Variants in CCDC12 observed in about 807,000 individuals in gnomAD.
CCDC12 encodes coiled-coil domain containing 12.
In CCDC12, 28 loss-of-function variants were observed where a neutral mutation model predicts 25.7. That is an observed-to-expected ratio of 1.09 (90% CI 0.81 to 1.50). CCDC12 has a LOEUF of 1.50. Ranked by LOEUF, CCDC12 falls within the 40% of genes most tolerant of loss-of-function variation. The pLI, the probability that CCDC12 is intolerant of heterozygous loss-of-function variation, is 0.00. For synonymous variants in CCDC12, 75 were observed against 87.7 expected, an observed-to-expected ratio of 0.86 and a Z score of 0.81; for missense variants, 198 against 210.0, an observed-to-expected ratio of 0.94 and a Z score of 0.35.
At chr3:46,947,974 G>T (rs1358036964) in intron 1 of CCDC12, among the ~76,000 whole-genome samples, 1 of 152,228 alleles carries the variant, frequency 6.6e-6, no homozygotes, top group East Asian at 1.9e-4. Context: ...CTGAAGAACA[G>T]GGAGAATCAG....
rs1559546744 is a variant in CCDC12, at chr3:46,923,662, T to G, written c.251A>C (p.Glu84Ala). 6.4e-7 allele frequency: 1 copy of G among 1,560,898 alleles called. No homozygotes were observed. Among genetic ancestry groups the G allele is most frequent in the Non-Finnish European group, 8.7e-7 (1 of 1,153,386 alleles). Residue 84 changes from glutamate (E) to alanine (A), a missense_variant, in exon 4 of 7, where the codon GAG (glutamate) becomes GCG (alanine). Glu to Ala is a moderately radical substitution (Grantham distance 107). Coordinates refer to ENST00000683445, the MANE Select transcript of CCDC12 (RefSeq NM_001277074.2). ...VPQAKPVAVE[E>A]KVKEQLEAAK... is the part of the protein sequence containing the mutation. ...GGCCTCCAGCTGCTCCTTCACCTTCTCCTCCACTAGAGGGTGCAATTAAAC... is the reference window on the plus strand; with the variant it reads ...GGCCTCCAGCTGCTCCTTCACCTTCGCCTCCACTAGAGGGTGCAATTAAAC...
At chr3:46,967,149 T>C (rs532047647) in intron 1 of CCDC12, among the ~76,000 whole-genome samples, 5 of 152,284 alleles carry the variant, frequency 3.3e-5, no homozygotes, top group African/African-American at 1.2e-4. Flanking sequence ...TCTGGCTTAA[T>C]GTGGCCAAAG....
At chr3:46,958,162 T>G (rs1305764721) in intron 1 of CCDC12, among the ~76,000 whole-genome samples, 1 of 152,078 alleles carries the variant, frequency 6.6e-6, no homozygotes, top group African/African-American at 2.4e-5. Flanking sequence ...TTATTGGCGG[T>G]CTGAAGAAAC....
chr3:46,947,022 A>G (rs2033934381), intron 1 of CCDC12, among the ~76,000 whole-genome samples: 1 of 152,204 alleles, frequency 6.6e-6, no homozygotes, highest in Admixed American at 6.5e-5. Flanking sequence ...TTCCTGAAGA[A>G]GCTAGAGACT....
At chr3:46,933,139 T>C (rs1406459622) in intron 2 of CCDC12, among the ~76,000 whole-genome samples, 1 of 152,168 alleles carries the variant, frequency 6.6e-6, no homozygotes, top group Non-Finnish European at 1.5e-5. Flanking sequence ...GAAAAACTCC[T>C]GCAGCCTACC....
intron 1 of CCDC12, among the ~76,000 whole-genome samples, chr3:46,941,391 T>C (rs547451430): frequency 6.6e-6 from 1 of 151,980 alleles, no homozygotes; most frequent in South Asian, 2.1e-4. Flanking sequence ...CGAAACCCCA[T>C]CTCTACTAAA....
At chr3:46,936,043 G>A (rs1420801030) in intron 2 of CCDC12, among the ~76,000 whole-genome samples, 2 of 152,188 alleles carry the variant, frequency 1.3e-5, no homozygotes, top group African/African-American at 2.4e-5. Context: ...GCAGGCAGGC[G>A]AGTGGCTCTT....
chr3:46,972,197 G>A (rs568436850), intron 1 of CCDC12, among the ~76,000 whole-genome samples: 12 of 152,162 alleles, frequency 7.9e-5, no homozygotes, highest in Non-Finnish European at 1.3e-4. Flanking sequence ...CACCAGGTGC[G>A]GTGGTTCACA....
At chr3:46,927,327 T>G (rs1420020439) in intron 2 of CCDC12, among the ~76,000 whole-genome samples, 2 of 151,124 alleles carry the variant, frequency 1.3e-5, no homozygotes, top group Non-Finnish European at 2.9e-5. Context: ...CACAACAGGG[T>G]GGGGAGAAAT....
intron 1 of CCDC12, among the ~76,000 whole-genome samples, chr3:46,952,902 T>C (rs2034171928): frequency 6.6e-6 from 1 of 152,116 alleles, no homozygotes; most frequent in South Asian, 2.1e-4. Flanking sequence ...AGGACGCAAA[T>C]GGCAGGGCAG....
At position 46,958,554 on chromosome 3, in the gene CCDC12, A is replaced by C. The variant is rs1325779485; in HGVS notation, c.97-17489T>G. On this transcript the variant is annotated intron_variant, in intron 1 of 6. Transcript: ENST00000683445. ...CTGCATCTCGTTATTGGGCCAAGGG[A>C]ATAAGCAGCCCGACCCTCGGTTTGG... Among the ~76,000 whole-genome samples the C allele has an allele frequency of 2.0e-5, 3 of 152,272 alleles. No homozygotes were observed. In the East Asian group the frequency reaches 5.8e-4, roughly 29 times the overall value.
chr3:46,945,663 G>C (rs754829662), intron 1 of CCDC12, among the ~76,000 whole-genome samples: 9 of 152,184 alleles, frequency 5.9e-5, no homozygotes, highest in Non-Finnish European at 1.0e-4. Context: ...TTGGCCTGAA[G>C]TTTTATTTGG....
intron 2 of CCDC12, among the ~76,000 whole-genome samples, chr3:46,937,016 A>G (rs2033471698): frequency 6.6e-6 from 1 of 152,170 alleles, no homozygotes; most frequent in African/African-American, 2.4e-5. Flanking sequence ...CGCCCCCTCC[A>G]TCTCTCTGTA....
chr3:46,956,355 T>C (rs549886286), intron 1 of CCDC12, among the ~76,000 whole-genome samples: 154 of 152,306 alleles, frequency 1.0e-3, no homozygotes, highest in African/African-American at 3.3e-3. Flanking sequence ...CTCTAATACA[T>C]GGCCCAGTTG....
chr3:46,925,617 C>A, intron 2 of CCDC12, 82 bp from the exon 3 acceptor site: 1 of 1,160,594 alleles, frequency 8.6e-7, no homozygotes. Context: ...TTTGCATAGC[C>A]CGTGAATTCC....
intron 1 of CCDC12, among the ~76,000 whole-genome samples, chr3:46,951,432 T>A (rs1335442273): frequency 6.6e-6 from 1 of 151,974 alleles, no homozygotes; most frequent in African/African-American, 2.4e-5. Flanking sequence ...TGTAGAAACA[T>A]CACGTTGTAC....
chr3:46,944,799 C>T (rs1376323606), intron 1 of CCDC12, among the ~76,000 whole-genome samples: 1 of 152,136 alleles, frequency 6.6e-6, no homozygotes, highest in African/African-American at 2.4e-5. Context: ...CATTCCTGGC[C>T]TCCTCTTCAA....
chr3:46,976,632 C>A lies in CCDC12; in HGVS notation c.96+5G>T. The A allele has an allele frequency of 6.2e-7, 1 of 1,609,538 alleles. No individual in the cohort carries two copies. Among genetic ancestry groups the A allele is most frequent in the Non-Finnish European group, 8.5e-7 (1 of 1,177,942 alleles). ...CAACTGCGACCCTCACTCCACACTT[C>A]TCACCTTGCGCCCGGTTTTCTCCCG... On this transcript the variant is annotated splice_donor_5th_base_variant and intron_variant, in intron 1 of 6. Transcript: ENST00000683445.
chr3:46,922,391 C>T, intron 5 of CCDC12, 79 bp from the exon 6 acceptor site: 1 of 1,503,552 alleles, frequency 6.7e-7, no homozygotes. Context: ...CTCTTGCAGC[C>T]CTCTGGCATT....
Sources: allele counts gnomAD v4.1 joint callset (sites outside exome capture counted in the v4.1 genomes callset), GRCh38; gene constraint gnomAD v4.1.1; transcripts MANE v1.5; gene names NCBI Gene and HGNC (gene_info 2026-07-23, HGNC 2026-07-21).